OTOG: variants seen among roughly 807,000 people sequenced by gnomAD.
OTOG encodes otogelin.
A neutral mutation model predicts 313.8 loss-of-function variants in OTOG; 296 were observed. The ratio of observed to expected loss-of-function variants is 0.94; its 90% confidence interval spans 0.86 to 1.04. The LOEUF is 1.04. Ranked by LOEUF, OTOG falls within the 50% of genes least tolerant of loss-of-function variation. The pLI, the probability that OTOG is intolerant of heterozygous loss-of-function variation, is 0.00. For synonymous variants in OTOG, 1,533 were observed against 1,554.9 expected, an observed-to-expected ratio of 0.99 and a Z score of 0.33; for missense variants, 3,948 against 3,840.1, an observed-to-expected ratio of 1.03 and a Z score of -0.74.
intron 16 of OTOG, 92 bp from the exon 17 acceptor site, chr11:17,570,110 CTGGGCCGGGCG>C: frequency 9.2e-7 from 1 of 1,092,682 alleles, no homozygotes; most frequent in Non-Finnish European, 1.3e-6. Flanking sequence ...GGGGCGAAGA[CTGGGCCGGGCG>C]TGGGAGTCTG....
intron 51 of OTOG, 139 bp from the exon 52 acceptor site, chr11:17,641,708 A>T: frequency 1.6e-6 from 1 of 609,394 alleles, no homozygotes; most frequent in East Asian, 2.8e-5. Flanking sequence ...CTGTGACAGA[A>T]GGAGGCTGGG....
chr11:17,576,539 C>T lies in OTOG; in HGVS notation c.2487-17C>T, dbSNP rs1202655182. On this transcript the variant is annotated splice_polypyrimidine_tract_variant and intron_variant, in intron 20 of 55. Transcript: ENST00000399397. ...TCCTGAGCCTGCTCACCTTTCTTTG[C>T]TCCCATTTTTTTATAGGAACCAGTG... The T allele has an allele frequency of 3.2e-6, 5 of 1,546,678 alleles. No homozygotes were observed. The East Asian group carries it at 7.3e-5, about 23-fold the overall frequency.
At chr11:17,600,562 A>G (rs1358109266) in intron 31 of OTOG, among the ~76,000 whole-genome samples, 2 of 152,176 alleles carry the variant, frequency 1.3e-5, no homozygotes, top group Non-Finnish European at 1.5e-5. Context: ...TGGAGACAGG[A>G]TACCATCTGG....
At chr11:17,569,912 A>G (rs1288897680) in intron 16 of OTOG, among the ~76,000 whole-genome samples, 1 of 152,220 alleles carries the variant, frequency 6.6e-6, no homozygotes, top group Non-Finnish European at 1.5e-5. Flanking sequence ...CTTCTGCTAG[A>G]GGAGGAAACG....
intron 12 of OTOG, 149 bp from the exon 13 acceptor site, chr11:17,560,560 C>T (rs1271293613): frequency 1.6e-6 from 1 of 643,288 alleles, no homozygotes; most frequent in East Asian, 2.7e-5. Context: ...CTGGCCTGAG[C>T]CAAGGATTTA....
chr11:17,636,255 T>A (rs1854264378), intron 47 of OTOG, among the ~76,000 whole-genome samples: 1 of 152,238 alleles, frequency 6.6e-6, no homozygotes, highest in Non-Finnish European at 1.5e-5. Context: ...GCATATCATG[T>A]ACTGTGTTCA....
At chr11:17,613,563 G>A (rs1181141147) in intron 38 of OTOG, 49 bp from the exon 39 acceptor site, 2 of 1,467,928 alleles carry the variant, frequency 1.4e-6, no homozygotes, top group Non-Finnish European at 9.3e-7. Context: ...ACTTGGAGGG[G>A]GACAGAGGAC....
At chr11:17,618,623 A>G (rs190850290) in intron 39 of OTOG, among the ~76,000 whole-genome samples, 1 of 152,218 alleles carries the variant, frequency 6.6e-6, no homozygotes, top group Non-Finnish European at 1.5e-5. Flanking sequence ...CTATCTGTTT[A>G]TTCTCAGTTA....
At chr11:17,629,992 TACAC>T (rs147815246) in intron 40 of OTOG, among the ~76,000 whole-genome samples, 2 of 149,372 alleles carry the variant, frequency 1.3e-5, no homozygotes, top group African/African-American at 2.5e-5. Context: ...CACACACACA[TACAC>T]ACACACACCC....
At position 17,559,106 on chromosome 11, in the gene OTOG, G is replaced by A. The variant is rs61731248; in HGVS notation, c.1158G>A (p.Ala386=). Residue 386 remains alanine (A), a synonymous_variant, in exon 11 of 56, where the codon GCG becomes GCA. Coordinates refer to ENST00000399397, the MANE Select transcript of OTOG (RefSeq NM_001292063.2). ...GGGCACTGGCGGAGTATGCCCGGGC[G>A]TGTGCCCAGGCAGGGCGGCCCTTGC... The part of the protein sequence containing the change: ...WCRALAEYAR[A]CAQAGRPLQG... The A allele has an allele frequency of 0.01, 15,888 of 1,545,220 alleles. 727 individuals are homozygous for A. The African/African-American group carries it at 0.11, about 10-fold the overall frequency.
intron 39 of OTOG, among the ~76,000 whole-genome samples, chr11:17,626,365 AG>A (rs1233034020): frequency 2.6e-5 from 4 of 152,128 alleles, no homozygotes; most frequent in African/African-American, 7.2e-5. Context: ...CAGAAGAGAC[AG>A]GGTTTCACCA....
At chr11:17,617,803 G>A (rs1047445388) in intron 39 of OTOG, among the ~76,000 whole-genome samples, 129 of 151,570 alleles carry the variant, frequency 8.5e-4, no homozygotes, top group African/African-American at 3.0e-3. Context: ...ATTGATTTCT[G>A]CTATCTTTAT....
chr11:17,585,897 C>T (rs1565104253), intron 23 of OTOG, among the ~76,000 whole-genome samples: 1 of 152,160 alleles, frequency 6.6e-6, no homozygotes, highest in African/African-American at 2.4e-5. Context: ...TGGATTTGAA[C>T]AAAAAATTAT....
At chr11:17,558,083 C>T in intron 8 of OTOG, 102 bp from the exon 9 acceptor site, 1 of 1,398,182 alleles carries the variant, frequency 7.2e-7, no homozygotes, top group African/African-American at 1.4e-5. Context: ...CTTCAAAACT[C>T]CTTACCCATC....
chr11:17,593,811 G>A (rs937978044), intron 27 of OTOG, 55 bp downstream of exon 27: 2 of 1,531,172 alleles, frequency 1.3e-6, no homozygotes, highest in African/African-American at 2.8e-5. Flanking sequence ...CCAAGCCCTG[G>A]GTGTCCTTGG....
At chr11:17,564,942 G>GC (rs910407987) in intron 15 of OTOG, among the ~76,000 whole-genome samples, 147 of 152,192 alleles carry the variant, frequency 9.7e-4, no homozygotes, top group Middle Eastern at 3.4e-3. Context: ...CCCTCAAAGT[G>GC]TTTTTTTAAA....
chr11:17,571,786 C>T (rs182457613), intron 17 of OTOG, among the ~76,000 whole-genome samples: 24 of 152,048 alleles, frequency 1.6e-4, no homozygotes, highest in East Asian at 1.4e-3. Flanking sequence ...CGTGCGCGCA[C>T]GCATGCATGT....
At chr11:17,569,547 C>T (rs1401294155) in intron 16 of OTOG, among the ~76,000 whole-genome samples, 1 of 152,182 alleles carries the variant, frequency 6.6e-6, no homozygotes, top group Non-Finnish European at 1.5e-5. Flanking sequence ...GTTTCCCATC[C>T]TGACTCTCAT....
chr11:17,625,293 G>T (rs764479953), intron 39 of OTOG, among the ~76,000 whole-genome samples: 1 of 152,316 alleles, frequency 6.6e-6, no homozygotes, highest in Admixed American at 6.5e-5. Context: ...CTGTGGGTTT[G>T]TCATAGACGG....
Sources: allele counts gnomAD v4.1 joint callset (sites outside exome capture counted in the v4.1 genomes callset), GRCh38; gene constraint gnomAD v4.1.1; transcripts MANE v1.5; gene names NCBI Gene and HGNC (gene_info 2026-07-23, HGNC 2026-07-21).